SGCD: variants seen among roughly 807,000 people sequenced by gnomAD.
SGCD encodes the protein sarcoglycan delta.
In SGCD, 18 loss-of-function variants were observed where a neutral mutation model predicts 36.6. That is an observed-to-expected ratio of 0.49 (90% CI 0.34 to 0.73). The LOEUF (loss-of-function observed/expected upper bound fraction) is 0.73. Among genes scored for constraint, SGCD ranks in the 30% least tolerant of loss-of-function variants. The probability of loss-of-function intolerance (pLI) is 0.01; values close to 1 mark genes in which losing one functional copy is unlikely to be tolerated. For synonymous variants in SGCD, 133 were observed against 130.6 expected (o/e 1.02, Z -0.12); for missense variants, 387 against 346.7 (o/e 1.12, Z -0.92).
chr5:156,525,333 A>G (rs956807915), intron 4 of SGCD, among the ~76,000 whole-genome samples: 1 of 152,190 alleles, frequency 6.6e-6, no homozygotes, highest in African/African-American at 2.4e-5. Context: ...GTGGTGCTGA[A>G]CACCTTTTCA....
At chr5:155,907,823 C>T (rs1010442320) in intron 1 of SGCD, among the ~76,000 whole-genome samples, 1 of 152,072 alleles carries the variant, frequency 6.6e-6, no homozygotes, top group African/African-American at 2.4e-5. Flanking sequence ...GATGATGAAG[C>T]AATGATAGGG....
At chr5:156,527,872 C>T (rs1561756610) in intron 4 of SGCD, among the ~76,000 whole-genome samples, 1 of 152,112 alleles carries the variant, frequency 6.6e-6, no homozygotes, top group Admixed American at 6.6e-5. Context: ...TGAAAATGAC[C>T]AGACTGGATC....
intron 6 of SGCD, among the ~76,000 whole-genome samples, chr5:156,622,053 A>G (rs2113501324): frequency 6.6e-6 from 1 of 152,324 alleles, no homozygotes; most frequent in East Asian, 1.9e-4. Flanking sequence ...TTAAATAATT[A>G]TTGAGATAAA....
chr5:156,193,636 G>A (rs1763947860), intron 3 of SGCD, among the ~76,000 whole-genome samples: 1 of 152,128 alleles, frequency 6.6e-6, no homozygotes, highest in African/African-American at 2.4e-5. Context: ...TCTTGTTACA[G>A]GATTCTCCTT....
chr5:156,489,917 T>C (rs1177137396), intron 3 of SGCD, among the ~76,000 whole-genome samples: 2 of 150,742 alleles, frequency 1.3e-5, no homozygotes, highest in African/African-American at 4.9e-5. Flanking sequence ...ATACAAAGGA[T>C]TAATAAAGTA....
chr5:155,777,820 C>A, the SGCD span, among the ~76,000 whole-genome samples: 2 of 152,046 alleles, frequency 1.3e-5, no homozygotes, highest in Non-Finnish European at 2.9e-5. Flanking sequence ...GTTATTCAAT[C>A]CATATGCTCA....
rs567294009 is a variant in SGCD at position 156,070,687 on chromosome 5, A to C, written c.-281-47191A>C. Among the ~76,000 whole-genome samples the C allele has an allele frequency of 9.9e-3, 1,513 of 152,104 alleles. 42 individuals are homozygous for C. Among genetic ancestry groups the C allele is most frequent in the African/African-American group, 0.035 (1,464 of 41,420 alleles). On this transcript the variant is annotated intron_variant, in intron 1 of 9. Coordinates refer to the SGCD transcript ENST00000517913. Reference sequence around the variant, plus strand: ...GATTCCCCCTTTTTCTATTGATTGGAATAGTTTCAGAAGGAATGGTACCAG... The same window carrying C: ...GATTCCCCCTTTTTCTATTGATTGGCATAGTTTCAGAAGGAATGGTACCAG...
chr5:155,822,209 A>G, the SGCD span, among the ~76,000 whole-genome samples: 1 of 152,208 alleles, frequency 6.6e-6, no homozygotes. Context: ...CATGAAACAC[A>G]TATTATCAAA....
At chr5:156,556,120 GA>G (rs34927078) in intron 4 of SGCD, among the ~76,000 whole-genome samples, 21,183 of 134,220 alleles carry the variant, frequency 0.16, 1,559 homozygotes, top group East Asian at 0.21. Context: ...ATACAGATAA[GA>G]AAAAAAAAAA....
intron 1 of SGCD, among the ~76,000 whole-genome samples, chr5:155,992,956 G>T (rs1015329409): frequency 6.6e-6 from 1 of 152,128 alleles, no homozygotes; most frequent in Admixed American, 6.5e-5. Context: ...TCATGCTCTA[G>T]CTTCTTCCTT....
chr5:156,189,228 G>A (rs1763833213), intron 3 of SGCD, among the ~76,000 whole-genome samples: 1 of 152,184 alleles, frequency 6.6e-6, no homozygotes, highest in Non-Finnish European at 1.5e-5. Flanking sequence ...GTACGTGCTA[G>A]TGACACAGAT....
chr5:156,266,352 G>A (rs1765999608), intron 3 of SGCD, among the ~76,000 whole-genome samples: 2 of 152,158 alleles, frequency 1.3e-5, no homozygotes, highest in South Asian at 4.1e-4. Flanking sequence ...ATTAAAAAAT[G>A]GAAGGTTAAA....
rs116669418 is a variant in SGCD at position 155,976,320 on chromosome 5, T to A, written c.-282+105896T>A. Reference sequence around the variant, plus strand: ...GGTACCTGTTACATTATTTGACATATTTTGGATGTTTGAAATACTTCATAT... The same window carrying A: ...GGTACCTGTTACATTATTTGACATAATTTGGATGTTTGAAATACTTCATAT... On this transcript the variant is annotated intron_variant, in intron 1 of 9. Coordinates refer to the SGCD transcript ENST00000517913. Among the ~76,000 whole-genome samples, 250 of 152,264 alleles carry A rather than the reference T, an allele frequency of 1.6e-3. 1 individual carries two copies. The highest frequency in any genetic ancestry group is 2.8e-3 in the Non-Finnish European group (192 of 68,014).
rs538586954 is a variant in SGCD at position 156,234,676 on chromosome 5, T to C, written c.-43-94858T>C. Among the ~76,000 whole-genome samples the C allele has an allele frequency of 7.2e-5, 11 of 152,292 alleles. No homozygotes were observed. In the South Asian group the frequency reaches 1.5e-3, roughly 20 times the overall value. ...TCAGGGAGTGACCCATACATGGAAA[T>C]ATGATCAGTCAGAGACAATCTCTAG... On this transcript the variant is annotated intron_variant, in intron 3 of 9. Transcript: ENST00000517913.
chr5:156,362,678 T>C (rs1443593951), intron 3 of SGCD, among the ~76,000 whole-genome samples: 1 of 152,052 alleles, frequency 6.6e-6, no homozygotes, highest in East Asian at 1.9e-4. Flanking sequence ...TAGCATTCCA[T>C]AGTGTGACTA....
intron 7 of SGCD, among the ~76,000 whole-genome samples, chr5:156,664,608 G>A (rs976233714): frequency 2.1e-5 from 1 of 48,164 alleles, no homozygotes; most frequent in African/African-American, 1.0e-4. Flanking sequence ...CTGCATCTAT[G>A]TTAACTGGAG....
In SGCD at chr5:156,041,361, G is replaced by A. The variant is rs150988850; in HGVS notation, c.-281-76517G>A. 2.4e-3 allele frequency among the ~76,000 whole-genome samples: 366 copies of A among 152,250 alleles called. 3 individuals are homozygous for A. The highest frequency in any genetic ancestry group is 8.1e-3 in the African/African-American group (336 of 41,548). On this transcript the variant is annotated intron_variant, in intron 1 of 9. Transcript: ENST00000517913. ...AGATTATCCCATTCTCCTCATTTGCGCATGGAAGAATGAGGAAGGATAGGA... is the reference window on the plus strand; with the variant it reads ...AGATTATCCCATTCTCCTCATTTGCACATGGAAGAATGAGGAAGGATAGGA...
chr5:156,105,342 A>G (rs1234316380), intron 1 of SGCD, among the ~76,000 whole-genome samples: 1 of 152,240 alleles, frequency 6.6e-6, no homozygotes, highest in Non-Finnish European at 1.5e-5. Flanking sequence ...GCCCTCCTGT[A>G]TAAATCAGTG....
At chr5:156,423,300 A>T (rs866812226) in intron 3 of SGCD, among the ~76,000 whole-genome samples, 227 of 9,676 alleles carry the variant, frequency 0.023, 3 homozygotes, top group African/African-American at 0.058. Context: ...TTATAATATA[A>T]TATATTTTAT....
Sources: gnomAD v4.1 joint callset for allele counts (sites outside exome capture counted in the v4.1 genomes callset) on GRCh38, gnomAD v4.1.1 for gene constraint, MANE v1.5 for transcripts, NCBI Gene and HGNC (gene_info 2026-07-23, HGNC 2026-07-21) for gene names.